AGMO: variants seen among roughly 807,000 people sequenced by gnomAD.
AGMO encodes glyceryl-ether monooxygenase.
A neutral mutation model predicts 60.2 loss-of-function variants in AGMO; 75 were observed. The ratio of observed to expected loss-of-function variants is 1.25; its 90% CI spans 1.03 to 1.51. The LOEUF (loss-of-function observed/expected upper bound fraction) is 1.51, where lower values mean the gene tolerates loss of function less well. Ranked by LOEUF, AGMO falls within the 40% of genes most tolerant of loss-of-function variation. The pLI is 0.00. For synonymous variants in AGMO, 261 were observed against 177.1 expected (o/e 1.47, Z -3.76); for missense variants, 763 against 525.5 (o/e 1.45, Z -4.42).
chr7:15,414,801 T>C (rs1166664658), intron 5 of AGMO, among the ~76,000 whole-genome samples: 1 of 152,158 alleles, frequency 6.6e-6, no homozygotes, highest in Non-Finnish European at 1.5e-5. Flanking sequence ...GGGAAACAAA[T>C]ACATCAATGA....
intron 12 of AGMO, among the ~76,000 whole-genome samples, chr7:15,340,979 G>A (rs1414891136): frequency 5.3e-5 from 8 of 152,130 alleles, no homozygotes; most frequent in Non-Finnish European, 1.0e-4. Context: ...GCTAGGAGGG[G>A]TGCTGTACCC....
chr7:15,389,098 A>T (rs1784038415), intron 8 of AGMO, among the ~76,000 whole-genome samples: 1 of 152,198 alleles, frequency 6.6e-6, no homozygotes, highest in Non-Finnish European at 1.5e-5. Context: ...TTTCCTCAGC[A>T]AGACTGTACA....
chr7:15,138,987 GAACT>G, the AGMO span, among the ~76,000 whole-genome samples: 1 of 151,998 alleles, frequency 6.6e-6, no homozygotes, highest in East Asian at 1.9e-4. Flanking sequence ...TATCCTCCCT[GAACT>G]AACCACCCAA....
chr7:15,342,778 G>GC (rs1781897497), intron 12 of AGMO, among the ~76,000 whole-genome samples: 6 of 15,414 alleles, frequency 3.9e-4, no homozygotes, highest in African/African-American at 1.5e-3. Context: ...CAGTATAGCT[G>GC]CAAAAAAAAA....
intron 3 of AGMO, among the ~76,000 whole-genome samples, chr7:15,456,475 G>A (rs1315850886): frequency 1.3e-5 from 2 of 152,104 alleles, no homozygotes; most frequent in African/African-American, 4.8e-5. Flanking sequence ...GGCCAGTGAG[G>A]ACAGATTTAT....
intron 5 of AGMO, among the ~76,000 whole-genome samples, chr7:15,395,691 C>G (rs1384804789): frequency 1.3e-5 from 2 of 152,080 alleles, no homozygotes; most frequent in African/African-American, 4.8e-5. Context: ...TATTGTTATT[C>G]TAATTTTATG....
chr7:15,329,581 A>AG (rs1199411741), intron 12 of AGMO, among the ~76,000 whole-genome samples: 3 of 152,232 alleles, frequency 2.0e-5, no homozygotes, highest in Non-Finnish European at 2.9e-5. Context: ...GGAATAACCT[A>AG]GGAACAAGCA....
chr7:15,198,196 C>A (rs549469724), downstream of AGMO, among the ~76,000 whole-genome samples: 1 of 77,354 alleles, frequency 1.3e-5, no homozygotes, highest in Non-Finnish European at 2.8e-5. Context: ...AGGGCTTTCC[C>A]GAGAGAGAGA....
At chr7:15,431,664 T>C (rs1195330480) in intron 3 of AGMO, among the ~76,000 whole-genome samples, 1 of 151,934 alleles carries the variant, frequency 6.6e-6, no homozygotes, top group Non-Finnish European at 1.5e-5. Context: ...TCAGGTACTC[T>C]TTTATTTATA....
chr7:15,349,970 A>G (rs1479045824), intron 12 of AGMO, among the ~76,000 whole-genome samples: 1 of 152,150 alleles, frequency 6.6e-6, no homozygotes, highest in East Asian at 1.9e-4. Context: ...CAGCCAAATC[A>G]TATCAAATGT....
the AGMO span, among the ~76,000 whole-genome samples, chr7:15,128,240 G>C: frequency 6.6e-6 from 1 of 152,022 alleles, no homozygotes; most frequent in Non-Finnish European, 1.5e-5. Context: ...TGGTTTCCCA[G>C]GTAGACAAAG....
chr7:15,339,186 C>T (rs950016863), intron 12 of AGMO, among the ~76,000 whole-genome samples: 11 of 152,066 alleles, frequency 7.2e-5, no homozygotes, highest in African/African-American at 2.4e-4. Context: ...GAGAAGTATC[C>T]CAGATCATGA....
chr7:15,244,205 A>G (rs892222889), intron 12 of AGMO, among the ~76,000 whole-genome samples: 1 of 152,200 alleles, frequency 6.6e-6, no homozygotes, highest in African/African-American at 2.4e-5. Context: ...AAAGCATAAA[A>G]TGTGAGAGAA....
At chr7:15,541,156 C>T (rs541564479) in intron 3 of AGMO, among the ~76,000 whole-genome samples, 39 of 152,180 alleles carry the variant, frequency 2.6e-4, no homozygotes, top group African/African-American at 8.9e-4. Context: ...GGGTCTCGCT[C>T]TGTCACCCCA....
chr7:15,369,773 G>A (rs150424521), intron 10 of AGMO, among the ~76,000 whole-genome samples: 188 of 151,840 alleles, frequency 1.2e-3, no homozygotes, highest in African/African-American at 4.5e-3. Context: ...GTATCCCAAG[G>A]GCCTAGAATA....
chr7:15,317,841 T>TAA (rs1780973902), intron 12 of AGMO, among the ~76,000 whole-genome samples: 1 of 119,572 alleles, frequency 8.4e-6, no homozygotes, highest in African/African-American at 2.6e-5. Flanking sequence ...TATATTTTTG[T>TAA]CATATATATA....
intron 12 of AGMO, among the ~76,000 whole-genome samples, chr7:15,202,184 A>G (rs1781308167): frequency 1.3e-5 from 2 of 152,030 alleles, no homozygotes; most frequent in African/African-American, 4.8e-5. Context: ...ATGTATGTGT[A>G]TACTTCCCCT....
intron 12 of AGMO, among the ~76,000 whole-genome samples, chr7:15,322,475 AATATATATATAAAT>A: frequency 1.5e-5 from 1 of 65,604 alleles, no homozygotes; most frequent in South Asian, 4.0e-4. Flanking sequence ...TAAATATATA[AATATATATATAAAT>A]ATATATAAAT....
At chr7:15,153,353 C>T in the AGMO span, among the ~76,000 whole-genome samples, 1 of 152,026 alleles carries the variant, frequency 6.6e-6, no homozygotes, top group Non-Finnish European at 1.5e-5. Context: ...TAATTAAGTT[C>T]CATATATTTA....
Sources: allele counts gnomAD v4.1 joint callset (sites outside exome capture counted in the v4.1 genomes callset), GRCh38; gene constraint gnomAD v4.1.1; transcripts MANE v1.5; gene names NCBI Gene and HGNC (gene_info 2026-07-23, HGNC 2026-07-21).